The following MMP24 variants were observed in gnomAD, a reference collection of about 807,000 sequenced individuals.
The protein encoded by MMP24 is matrix metalloproteinase-24.
Under a neutral mutation model 62.8 loss-of-function variants are expected in MMP24, and 25 were observed. The ratio of observed to expected loss-of-function variants is 0.40; its 90% CI spans 0.29 to 0.56. The LOEUF (loss-of-function observed/expected upper bound fraction) is 0.56. Among genes scored for constraint, MMP24 ranks in the 20% least tolerant of loss-of-function variants. The pLI is 0.50. For synonymous variants in MMP24, 319 were observed against 350.5 expected (o/e 0.91, Z 1.00); for missense variants, 634 against 853.6 (o/e 0.74, Z 3.21).
rs2060689557 is a variant in MMP24, at chr20:35,274,179, C to T, written c.1601-93C>T. ...CTCCAGGTGTGCCCACCTTGCCTCC[C>T]TTGCCACAGTGCCTGTGCCCTCCTT... On this transcript the variant is annotated intron_variant, in intron 8 of 8. Coordinates refer to ENST00000246186, the MANE Select transcript of MMP24 (RefSeq NM_006690.4). The surrounding 1 kb of genome is among the most constrained non-coding windows in gnomAD (Gnocchi z 5.1). 14 of 1,310,870 alleles carry T rather than the reference C, an allele frequency of 1.1e-5. No individual in the cohort carries two copies. Among genetic ancestry groups the T allele is most frequent in the Admixed American group, 6.0e-5 (3 of 50,402 alleles). The allele number at this position is 1,310,870 out of a possible 1,614,324, so 81.2% of individuals were successfully genotyped here. A position where few individuals can be genotyped will look rare whatever the true frequency, so the allele number is the denominator to read the frequency against.
chr20:35,245,906 C>T (rs2060512077), intron 1 of MMP24, among the ~76,000 whole-genome samples: 1 of 151,608 alleles, frequency 6.6e-6, no homozygotes, highest in Non-Finnish European at 1.5e-5. Context: ...TATTCTCCTA[C>T]ATATTAATTT....
chr20:35,272,109 C>G (rs1316405451), intron 8 of MMP24: 1 of 540,910 alleles, frequency 1.8e-6, no homozygotes, highest in Non-Finnish European at 3.2e-6. Context: ...AAACACTTAT[C>G]CTCAGTGTAC....
intron 1 of MMP24, among the ~76,000 whole-genome samples, chr20:35,243,686 T>C (rs2060499871): frequency 6.6e-6 from 1 of 152,088 alleles, no homozygotes; most frequent in African/African-American, 2.4e-5. Flanking sequence ...ATATCTATAA[T>C]AGGGGATTTG....
chr20:35,244,845 A>G (rs1274854705), intron 1 of MMP24, among the ~76,000 whole-genome samples: 1 of 152,092 alleles, frequency 6.6e-6, no homozygotes, highest in Non-Finnish European at 1.5e-5. Context: ...TCTCCTCTTT[A>G]AAAAAATCAC....
chr20:35,235,303 CTG>C lies in MMP24; in HGVS notation c.246+8320_246+8321del, dbSNP rs1397977418. On this transcript the variant is annotated intron_variant, in intron 1 of 8. Coordinates refer to ENST00000246186, the MANE Select transcript of MMP24 (RefSeq NM_006690.4). ...CCTACAGTCACAGCTACTTGGGAGA[CTG>C]AGGCAGGAGGATTGCTTGAGCCCAA... is the stretch of plus-strand genomic sequence containing the variant. 4.6e-5 allele frequency among the ~76,000 whole-genome samples: 7 copies of C among 152,246 alleles called. No individual in the cohort carries two copies. The East Asian group carries it at 5.8e-4, about 13-fold the overall frequency.
Position 35,269,710 on chromosome 20 carries a change from C to T in MMP24, c.1195-50C>T, listed in dbSNP as rs1255316991. The T allele has an allele frequency of 7.1e-6, 11 of 1,548,918 alleles. No individual in the cohort carries two copies. The highest frequency in any genetic ancestry group is 2.0e-5 in the Admixed American group (1 of 51,184). ...GCCCCACAGCTGCAATCACTGGGTT[C>T]GGAGGCAGGGCCTGACACACCTCTC... On this transcript the variant is annotated intron_variant, in intron 6 of 8. Coordinates refer to ENST00000246186, the MANE Select transcript of MMP24 (RefSeq NM_006690.4). The surrounding 1 kb of genome is among the most constrained non-coding windows in gnomAD (Gnocchi z 4.6).
At chr20:35,273,807 G>A (rs2060686730) in intron 8 of MMP24, among the ~76,000 whole-genome samples, 1 of 152,168 alleles carries the variant, frequency 6.6e-6, no homozygotes, top group Non-Finnish European at 1.5e-5. Flanking sequence ...GAAGTGATGT[G>A]TGCCAAGCCA....
intron 1 of MMP24, among the ~76,000 whole-genome samples, chr20:35,238,446 G>T (rs1287208934): frequency 6.6e-6 from 1 of 152,160 alleles, no homozygotes; most frequent in Non-Finnish European, 1.5e-5. Flanking sequence ...AGATGTAAGA[G>T]GCCAAGGCTC....
In MMP24 at chr20:35,274,354, C is replaced by T; in HGVS notation, c.1683C>T (p.Asn561=). The T allele has an allele frequency of 6.2e-7, 1 of 1,613,952 alleles. No homozygotes were observed. Among genetic ancestry groups the T allele is most frequent in the Non-Finnish European group, 8.5e-7 (1 of 1,179,908 alleles). ...KLSVEPGYPR[N]ILRDWMGCNQ... ...GCGTGGAGCCAGGCTACCCGCGCAA[C>T]ATCCTGCGTGACTGGATGGGCTGCA... The change falls in exon 9 of 9, where the codon AAC becomes AAT. Residue 561 remains asparagine (N), a synonymous_variant. Transcript: ENST00000246186. This position sits in a 1 kb window ranked among gnomAD's most constrained non-coding sequence, Gnocchi z 5.1.
intron 3 of MMP24, 108 bp downstream of exon 3, chr20:35,252,129 T>A: frequency 1.1e-6 from 1 of 905,872 alleles, no homozygotes. Flanking sequence ...GGGATCAGGC[T>A]TACAACATAG....
intron 1 of MMP24, among the ~76,000 whole-genome samples, chr20:35,231,407 A>G (rs2060436718): frequency 6.6e-6 from 1 of 152,164 alleles, no homozygotes; most frequent in Non-Finnish European, 1.5e-5. Flanking sequence ...AAATCAAAAT[A>G]TTCTTTCACT....
intron 8 of MMP24, among the ~76,000 whole-genome samples, chr20:35,272,429 G>C (rs796939924): frequency 6.6e-6 from 1 of 152,064 alleles, no homozygotes; most frequent in Non-Finnish European, 1.5e-5. Flanking sequence ...GTAGCAACAG[G>C]GTTTCACTAT....
intron 1 of MMP24, among the ~76,000 whole-genome samples, chr20:35,245,096 G>A (rs189119030): frequency 7.7e-4 from 117 of 152,154 alleles, no homozygotes; most frequent in African/African-American, 2.6e-3. Context: ...GCATGATCAT[G>A]TCTCACTACA....
At chr20:35,249,829 G>A (rs187291147) in intron 2 of MMP24, among the ~76,000 whole-genome samples, 2 of 151,858 alleles carry the variant, frequency 1.3e-5, no homozygotes, top group African/African-American at 4.8e-5. Context: ...TCCTGACCTC[G>A]TGATCCGCCC....
At chr20:35,235,707 AT>A (rs976614770) in intron 1 of MMP24, among the ~76,000 whole-genome samples, 3 of 151,884 alleles carry the variant, frequency 2.0e-5, no homozygotes, top group Non-Finnish European at 2.9e-5. Context: ...TCAAAAAAAA[AT>A]TTTTTTTAAT....
chr20:35,262,677 G>A (rs1028361322), intron 4 of MMP24: 8 of 146,780 alleles, frequency 5.5e-5, no homozygotes, highest in African/African-American at 2.2e-4. Flanking sequence ...CCCTTTACGG[G>A]TGTCGGGCTG....
chr20:35,242,161 G>A (rs1484601392), intron 1 of MMP24, among the ~76,000 whole-genome samples: 14 of 151,800 alleles, frequency 9.2e-5, no homozygotes, highest in African/African-American at 1.7e-4. Context: ...GTGAAACCCC[G>A]TCCCTACTAA....
chr20:35,245,747 C>T (rs954793690), intron 1 of MMP24, among the ~76,000 whole-genome samples: 4 of 151,534 alleles, frequency 2.6e-5, no homozygotes, highest in Non-Finnish European at 5.9e-5. Context: ...CCACGCCTGG[C>T]CATATATGTA....
rs1035854687 is a variant in MMP24, at chr20:35,271,453, A to G, written c.1334-116A>G. The stretch of plus-strand genomic sequence containing the variant: ...GGCCTCAGGCTTCGTGCCCTTCCCA[A>G]CTCTAACTGGGCCAAGGGGCTGAGG... On this transcript the variant is annotated intron_variant, in intron 7 of 8. Transcript: ENST00000246186. The surrounding 1 kb of genome is among the most constrained non-coding windows in gnomAD (Gnocchi z 4.0). 6.7e-6 allele frequency: 9 copies of G among 1,352,370 alleles called. No homozygotes were observed. The highest frequency in any genetic ancestry group is 9.0e-6 in the Non-Finnish European group (9 of 1,003,188). The allele number at this position is 1,352,370 out of a possible 1,614,324, so 83.8% of individuals were successfully genotyped here. A position where few individuals can be genotyped will look rare whatever the true frequency, so the allele number is the denominator to read the frequency against.
Sources: allele counts gnomAD v4.1 joint callset (sites outside exome capture counted in the v4.1 genomes callset), GRCh38; gene constraint gnomAD v4.1.1; non-coding constraint Gnocchi (gnomAD v3.1); transcripts MANE v1.5; gene names NCBI Gene and HGNC (gene_info 2026-07-23, HGNC 2026-07-21).